The following DGAT2L6 variants were observed in gnomAD, a reference collection of about 807,000 sequenced individuals.
DGAT2L6 encodes diacylglycerol O-acyltransferase 2-like protein 6.
Under a neutral mutation model 25.5 loss-of-function variants are expected in DGAT2L6, and 22 were observed. That is an observed-to-expected ratio of 0.86 (90% CI 0.62 to 1.23). DGAT2L6 has a LOEUF of 1.23. Ranked by LOEUF, DGAT2L6 falls within the 50% of genes most tolerant of loss-of-function variation. The probability of loss-of-function intolerance (pLI) is 0.00; values close to 1 mark genes in which losing one functional copy is unlikely to be tolerated. For synonymous variants in DGAT2L6, 100 were observed against 94.7 expected, an observed-to-expected ratio of 1.06 and a Z score of -0.32; for missense variants, 287 against 253.2, an observed-to-expected ratio of 1.13 and a Z score of -0.91.
In DGAT2L6 at chrX:70,204,510, A is replaced by G; in HGVS notation, c.853A>G (p.Thr285Ala). 1 of 1,209,036 alleles carries G rather than the reference A, an allele frequency of 8.3e-7. No individual in the cohort carries two copies. Among genetic ancestry groups the G allele is most frequent in the South Asian group, 1.8e-5 (1 of 56,766 alleles). ...GFLPFNRPIT[T>A]VVGEPLPIPR... ...CCTGCCTTTCAATCGGCCCATTACCACTGTTGGTGAGCTTTCCCTTATCTC... is the reference window on the plus strand; with the variant it reads ...CCTGCCTTTCAATCGGCCCATTACCGCTGTTGGTGAGCTTTCCCTTATCTC... The change falls in exon 6 of 7, where the codon ACT (threonine) becomes GCT (alanine). Residue 285 changes from threonine to alanine, a missense_variant. By Grantham distance (58) the Thr-to-Ala change is moderately conservative. Transcript: ENST00000333026.
intron 1 of DGAT2L6, among the ~76,000 whole-genome samples, chrX:70,189,280 T>C (rs1214414520): frequency 9.0e-6 from 1 of 111,545 alleles, no homozygotes; most frequent in East Asian, 2.8e-4. Flanking sequence ...CAAATGAGAT[T>C]AGCCAGTCAC....
At chrX:70,185,293 A>G (rs1329269668) in intron 1 of DGAT2L6, among the ~76,000 whole-genome samples, 2 of 111,922 alleles carry the variant, frequency 1.8e-5, no homozygotes, top group Non-Finnish European at 3.8e-5. Context: ...CCTTTCCTCC[A>G]AAATTCAACT....
intron 5 of DGAT2L6, 90 bp downstream of exon 5, chrX:70,202,154 TA>T: frequency 1.2e-6 from 1 of 851,450 alleles, no homozygotes; most frequent in South Asian, 3.6e-5. Flanking sequence ...GGGCACCTGT[TA>T]GAGGGCCCCC....
chrX:70,180,527 G>A (rs1052472229), intron 1 of DGAT2L6, among the ~76,000 whole-genome samples: 2 of 111,232 alleles, frequency 1.8e-5, no homozygotes, highest in Non-Finnish European at 3.8e-5. Context: ...ATTTTTAAAA[G>A]TTATTTTTAT....
At chrX:70,204,603 A>G (rs1256447485) in intron 6 of DGAT2L6, 87 bp downstream of exon 6, 21 of 1,055,743 alleles carry the variant, frequency 2.0e-5, no homozygotes, top group Non-Finnish European at 2.7e-5. Flanking sequence ...GGGGGACCCA[A>G]CTCACATCTG....
intron 4 of DGAT2L6, 33 bp from the exon 5 acceptor site, chrX:70,201,857 G>C: frequency 8.8e-7 from 1 of 1,138,642 alleles, no homozygotes; most frequent in South Asian, 2.2e-5. Context: ...CAGGAATGAA[G>C]TTTTTCTACC....
intron 2 of DGAT2L6, 90 bp downstream of exon 2, chrX:70,199,471 G>C: frequency 1.6e-6 from 1 of 625,461 alleles, no homozygotes; most frequent in Non-Finnish European, 2.5e-6. Flanking sequence ...GAGAACCAAG[G>C]GTAGGGGAGA....
intron 1 of DGAT2L6, among the ~76,000 whole-genome samples, chrX:70,179,518 T>C (rs2085336587): frequency 9.3e-6 from 1 of 107,820 alleles, no homozygotes; most frequent in South Asian, 4.1e-4. Context: ...CGGGTCCTTT[T>C]AGGTGTAGGG....
intron 1 of DGAT2L6, among the ~76,000 whole-genome samples, chrX:70,186,375 T>C (rs1431415515): frequency 2.7e-5 from 3 of 111,971 alleles, no homozygotes; most frequent in African/African-American, 9.7e-5. Flanking sequence ...GACCGGGAGA[T>C]GAGCAAAGAT....
At chrX:70,193,104 A>C (rs1464894832) in intron 1 of DGAT2L6, among the ~76,000 whole-genome samples, 1 of 110,987 alleles carries the variant, frequency 9.0e-6, no homozygotes, top group Non-Finnish European at 1.9e-5. Context: ...TCAGTAGTTC[A>C]AGACCAGCTC....
chrX:70,179,867 G>A (rs974303880), intron 1 of DGAT2L6, among the ~76,000 whole-genome samples: 5 of 110,401 alleles, frequency 4.5e-5, no homozygotes, highest in Non-Finnish European at 9.5e-5. Flanking sequence ...CCACCGCGCC[G>A]GGCCGAGGCA....
Position 70,205,086 on chromosome X carries a change from C to A in DGAT2L6, c.994C>A (p.Gln332Lys). ...HKVEYGLPET[Q>K]ELTIT is the part of the protein sequence containing the mutation. ...AGTTGAATATGGCCTCCCTGAGACC[C>A]AAGAGCTGACAATTACATAACAGGA... The change falls in exon 7 of 7, where the codon CAA (glutamine) becomes AAA (lysine). Residue 332 changes from glutamine to lysine, a missense_variant. By Grantham distance (53) the Gln-to-Lys change is moderately conservative. Transcript: ENST00000333026. The A allele has an allele frequency of 1.7e-6, 2 of 1,194,972 alleles. No homozygotes were observed. Among genetic ancestry groups the A allele is most frequent in the Non-Finnish European group, 2.2e-6 (2 of 889,144 alleles).
chrX:70,193,364 C>G (rs1294242903), intron 1 of DGAT2L6, among the ~76,000 whole-genome samples: 1 of 109,279 alleles, frequency 9.2e-6, no homozygotes, highest in Non-Finnish European at 1.9e-5. Flanking sequence ...TTCCAGAAAA[C>G]TGAAAAGGCA....
chrX:70,200,605 T>A, intron 4 of DGAT2L6, 146 bp downstream of exon 4: 1 of 538,351 alleles, frequency 1.9e-6, no homozygotes, highest in Non-Finnish European at 3.0e-6. Context: ...AGTATGTGGC[T>A]AAGCATTAGT....
chrX:70,204,402 T>C lies in DGAT2L6; in HGVS notation c.745T>C (p.Phe249Leu). The change falls in exon 6 of 7, where the codon TTC becomes CTC. Residue 249 changes from phenylalanine to leucine, a missense_variant. By Grantham distance (22) the Phe-to-Leu change is conservative. Transcript: ENST00000333026. ...GTGGTTAAGGTTGTTCCAAAAAACC[T>C]TCCAGGACACATTCAAAAAAATCCT... ...GTWLRLFQKTFQDTFKKILGL... is the reference protein window; with the variant it reads ...GTWLRLFQKTLQDTFKKILGL... 8.3e-7 allele frequency: 1 copy of C among 1,211,609 alleles called. No homozygotes were observed. The highest frequency in any genetic ancestry group is 1.1e-6 in the Non-Finnish European group (1 of 895,439).
At chrX:70,187,321 G>C (rs1481939342) in intron 1 of DGAT2L6, among the ~76,000 whole-genome samples, 1 of 110,359 alleles carries the variant, frequency 9.1e-6, no homozygotes, top group Non-Finnish European at 1.9e-5. Context: ...AGTTTTCCAG[G>C]CAAAGGGGAC....
At chrX:70,198,222 G>T (rs2085397712) in intron 1 of DGAT2L6, among the ~76,000 whole-genome samples, 1 of 112,032 alleles carries the variant, frequency 8.9e-6, no homozygotes, top group Non-Finnish European at 1.9e-5. Context: ...GAATTCATTC[G>T]CACTGCTGTA....
At chrX:70,189,618 G>A (rs968271587) in intron 1 of DGAT2L6, among the ~76,000 whole-genome samples, 5 of 111,601 alleles carry the variant, frequency 4.5e-5, no homozygotes, top group Non-Finnish European at 7.5e-5. Context: ...TAATAGTTTC[G>A]CATAAATATT....
chrX:70,185,502 C>T (rs977709163), intron 1 of DGAT2L6, among the ~76,000 whole-genome samples: 9 of 111,974 alleles, frequency 8.0e-5, no homozygotes, highest in African/African-American at 2.9e-4. Context: ...ATCTGTAAAA[C>T]GAGATAATAA....
Sources: gnomAD v4.1 joint callset for allele counts (sites outside exome capture counted in the v4.1 genomes callset) on GRCh38, gnomAD v4.1.1 for gene constraint, MANE v1.5 for transcripts, NCBI Gene and HGNC (gene_info 2026-07-23, HGNC 2026-07-21) for gene names.